The following ELAC2 variants were observed in gnomAD, a reference collection of about 807,000 sequenced individuals.
ELAC2 encodes elaC ribonuclease Z 2, also known as zinc phosphodiesterase ELAC protein 2.
Under a neutral mutation model 105.2 loss-of-function variants are expected in ELAC2, and 92 were observed. That is an observed-to-expected ratio of 0.87 (90% CI 0.74 to 1.04). ELAC2 has a LOEUF of 1.04. Among genes scored for constraint, ELAC2 ranks in the 50% least tolerant of loss-of-function variants. The pLI is 0.00. For synonymous variants in ELAC2, 468 were observed against 409.1 expected, an observed-to-expected ratio of 1.14 and a Z score of -1.74; for missense variants, 1,099 against 1,071.7, an observed-to-expected ratio of 1.03 and a Z score of -0.36.
chr17:13,001,192 C>T (rs2040785944), intron 14 of ELAC2, among the ~76,000 whole-genome samples: 1 of 152,158 alleles, frequency 6.6e-6, no homozygotes, highest in African/African-American at 2.4e-5. Flanking sequence ...AATCAAGGTT[C>T]AGATCCTTAA....
intron 3 of ELAC2, 151 bp downstream of exon 3, chr17:13,016,711 C>T (rs965775448): frequency 1.4e-6 from 1 of 721,102 alleles, no homozygotes; most frequent in Non-Finnish European, 2.2e-6. Flanking sequence ...GCCCAGAAGG[C>T]AAAGGTTGCA....
chr17:13,004,870 TGAA>T, intron 11 of ELAC2, 116 bp downstream of exon 11: 1 of 854,502 alleles, frequency 1.2e-6, no homozygotes, highest in Non-Finnish European at 2.0e-6. Context: ...TGCCGGCCTC[TGAA>T]CTGTAAACCC....
intron 8 of ELAC2, among the ~76,000 whole-genome samples, chr17:13,008,548 A>G (rs1216643274): frequency 6.6e-6 from 1 of 152,138 alleles, no homozygotes; most frequent in African/African-American, 2.4e-5. Context: ...GACTTAAGGC[A>G]GGGAAACCCA....
rs1598183055 is a variant in ELAC2, at chr17:12,991,860, CTTACTTACT to C, written c.*949_*957del. The stretch of plus-strand genomic sequence containing the variant: ...ATACTAGATTCAACTTACTTACTTA[CTTACTTACT>C]TTACTTACTTACTTCCTTGGAAAAT... On this transcript the variant is annotated 3_prime_UTR_variant, in exon 24 of 24. Transcript: ENST00000338034. Among the ~76,000 whole-genome samples the C allele has an allele frequency of 6.9e-6, 1 of 144,904 alleles. No individual in the cohort carries two copies. The highest frequency in any genetic ancestry group is 2.3e-4 in the South Asian group (1 of 4,422).
intron 7 of ELAC2, among the ~76,000 whole-genome samples, chr17:13,011,141 C>A (rs8071456): frequency 0.27 from 41,728 of 152,058 alleles, 5,918 homozygotes; most frequent in Middle Eastern, 0.33. Context: ...GAAAGAGGAG[C>A]TGCCGAGCTT....
chr17:13,013,833 GCCC>G (rs2041566562), intron 5 of ELAC2, among the ~76,000 whole-genome samples: 1 of 151,838 alleles, frequency 6.6e-6, no homozygotes, highest in African/African-American at 2.4e-5. Flanking sequence ...TGTCACCCCC[GCCC>G]CCAACTCAAA....
At chr17:13,017,619 C>G in intron 1 of ELAC2, 84 bp downstream of exon 1, 1 of 1,599,732 alleles carries the variant, frequency 6.3e-7, no homozygotes, top group Non-Finnish European at 8.5e-7. Context: ...AGCAGGGAAG[C>G]CGAAGCCCTG....
At chr17:13,011,253 GT>G (rs1310128506) in intron 7 of ELAC2, among the ~76,000 whole-genome samples, 4 of 152,212 alleles carry the variant, frequency 2.6e-5, no homozygotes, top group African/African-American at 9.6e-5. Context: ...CCAGTGGGCT[GT>G]CATTCTGGAA....
chr17:13,015,854 A>C, intron 3 of ELAC2, 22 bp from the exon 4 acceptor site: 1 of 1,602,256 alleles, frequency 6.2e-7, no homozygotes, highest in Non-Finnish European at 8.6e-7. Flanking sequence ...GCATAAAATC[A>C]GATCTCTCAT....
At chr17:13,001,421 G>A (rs1334179244) in intron 14 of ELAC2, among the ~76,000 whole-genome samples, 1 of 152,170 alleles carries the variant, frequency 6.6e-6, no homozygotes, top group Non-Finnish European at 1.5e-5. Context: ...GAACCCGGGA[G>A]GCGGAGGTTG....
At chr17:13,010,351 A>G (rs983380504) in intron 8 of ELAC2, among the ~76,000 whole-genome samples, 1 of 152,100 alleles carries the variant, frequency 6.6e-6, no homozygotes, top group African/African-American at 2.4e-5. Flanking sequence ...TTGTATTTTT[A>G]GTACAGACAG....
rs1262515538 is a variant in ELAC2, at chr17:12,992,912, G to T, written c.2387C>A (p.Ser796Tyr). 6.2e-7 allele frequency: 1 copy of T among 1,611,784 alleles called. No homozygotes were observed. ...CTCCAGGCCGCCTGCCAGCTCCCTGGACAGGAGGGCCGCCCGCACCTGCCG... is the reference window on the plus strand; with the variant it reads ...CTCCAGGCCGCCTGCCAGCTCCCTGTACAGGAGGGCCGCCCGCACCTGCCG... ...ELRQVRAALL[S>Y]RELAGGLEDG... Residue 796 changes from serine to tyrosine, a missense_variant, in exon 24 of 24, where the codon TCC (serine) becomes TAC (tyrosine). By Grantham distance (144) the Ser-to-Tyr change is moderately radical. Transcript: ENST00000338034.
intron 1 of ELAC2, chr17:13,017,422 C>T (rs2041804046): frequency 2.0e-5 from 13 of 648,768 alleles, no homozygotes; most frequent in Non-Finnish European, 3.1e-5. Flanking sequence ...CCTTGGGGTG[C>T]ACGGAAGAGG....
chr17:13,016,806 G>C, intron 3 of ELAC2, 56 bp downstream of exon 3: 1 of 1,544,766 alleles, frequency 6.5e-7, no homozygotes, highest in Non-Finnish European at 8.9e-7. Context: ...TGGTAAAGCC[G>C]GTTAAAATCC....
At chr17:12,997,405 C>G (rs1201235205) in intron 16 of ELAC2, among the ~76,000 whole-genome samples, 1 of 152,184 alleles carries the variant, frequency 6.6e-6, no homozygotes, top group African/African-American at 2.4e-5. Flanking sequence ...ACCCATTTTG[C>G]AGAGAGAAGC....
intron 17 of ELAC2, 185 bp downstream of exon 17, chr17:12,996,362 A>T (rs2040468361): frequency 3.6e-6 from 3 of 834,152 alleles, no homozygotes; most frequent in Non-Finnish European, 5.8e-6. Context: ...GAACAGGAAG[A>T]GAAGACATTC....
In ELAC2 at chr17:13,017,770, G is replaced by A. The variant is rs1266677255; in HGVS notation, c.178C>T (p.Leu60=). 5 of 1,611,376 alleles carry A rather than the reference G, an allele frequency of 3.1e-6. No homozygotes were observed. The highest frequency in any genetic ancestry group is 4.2e-6 in the Non-Finnish European group (5 of 1,179,336). ...GCSGGPNTVY[L]QVVAAGSRDS... is the part of the protein sequence containing the mutation. ...CGGCTACCCGCTGCCACCACCTGCAGGTACACGGTGTTTGGGCCGCCGGAG... is the reference window on the plus strand; with the variant it reads ...CGGCTACCCGCTGCCACCACCTGCAAGTACACGGTGTTTGGGCCGCCGGAG... Residue 60 remains leucine, a synonymous_variant, in exon 1 of 24, where the codon CTG becomes TTG. Coordinates refer to ENST00000338034, the MANE Select transcript of ELAC2 (RefSeq NM_018127.7).
chr17:13,003,699 C>G, intron 11 of ELAC2, 125 bp from the exon 12 acceptor site: 1 of 814,680 alleles, frequency 1.2e-6, no homozygotes, highest in Non-Finnish European at 2.0e-6. Context: ...ACAGCCTCCA[C>G]GCCCAGGCCA....
chr17:13,017,484 A>AG (rs2041808848), intron 1 of ELAC2: 1 of 987,864 alleles, frequency 1.0e-6, no homozygotes. Context: ...GGTTGGGAAA[A>AG]GGACGCTCAG....
Sources: allele counts gnomAD v4.1 joint callset (sites outside exome capture counted in the v4.1 genomes callset), GRCh38; gene constraint gnomAD v4.1.1; transcripts MANE v1.5; gene names NCBI Gene and HGNC (gene_info 2026-07-23, HGNC 2026-07-21).